Variants in ANKS1B observed in about 807,000 individuals in gnomAD.
ANKS1B encodes ankyrin repeat and sterile alpha motif domain containing 1B, also known as ankyrin repeat and sterile alpha motif domain-containing protein 1B.
ANKS1B carries 36 observed loss-of-function variants against 148.3 expected under a neutral mutation model. The ratio of observed to expected loss-of-function variants is 0.24; its 90% CI spans 0.19 to 0.32. ANKS1B has a LOEUF of 0.32. Among genes scored for constraint, ANKS1B ranks in the 10% least tolerant of loss-of-function variants. The pLI is 1.00. For missense variants in ANKS1B, 1,157 were observed against 1,542.6 expected (o/e 0.75, Z 4.19); for synonymous variants, 542 against 560.8 (o/e 0.97, Z 0.47).
intron 12 of ANKS1B, among the ~76,000 whole-genome samples, chr12:99,304,020 G>A (rs1246511803): frequency 6.6e-6 from 1 of 152,036 alleles, no homozygotes; most frequent in Non-Finnish European, 1.5e-5. Context: ...TTGGCTGATG[G>A]GTATTTAGGT....
intron 1 of ANKS1B, among the ~76,000 whole-genome samples, chr12:99,829,908 C>A (rs1254118946): frequency 6.6e-6 from 1 of 152,114 alleles, no homozygotes; most frequent in Non-Finnish European, 1.5e-5. Context: ...AAAGAAATAA[C>A]TGAAGTGAGT....
intron 17 of ANKS1B, among the ~76,000 whole-genome samples, chr12:98,867,787 G>A (rs374299986): frequency 1.6e-4 from 24 of 151,792 alleles, no homozygotes; most frequent in East Asian, 5.8e-4. Flanking sequence ...GTGTGGACCC[G>A]GGAGGAGGAG....
intron 10 of ANKS1B, among the ~76,000 whole-genome samples, chr12:99,451,226 T>C (rs2095729508): frequency 6.6e-6 from 1 of 152,200 alleles, no homozygotes; most frequent in Non-Finnish European, 1.5e-5. Context: ...TAGTCTATAA[T>C]AACAACATTA....
intron 17 of ANKS1B, among the ~76,000 whole-genome samples, chr12:98,929,122 A>T (rs1480776534): frequency 6.6e-5 from 10 of 152,014 alleles, no homozygotes; most frequent in Admixed American, 6.6e-4. Context: ...CATTAGTTGT[A>T]TTTCTGTGTA....
chr12:99,543,409 C>T (rs374656853), intron 9 of ANKS1B, among the ~76,000 whole-genome samples: 12 of 152,178 alleles, frequency 7.9e-5, no homozygotes, highest in African/African-American at 2.4e-4. Context: ...GAAAATAGTT[C>T]GGCAGTTCCT....
At chr12:99,213,828 A>G (rs1471754941) in intron 14 of ANKS1B, among the ~76,000 whole-genome samples, 1 of 152,228 alleles carries the variant, frequency 6.6e-6, no homozygotes, top group African/African-American at 2.4e-5. Context: ...CCTGAGTATC[A>G]AATACACCAG....
At chr12:99,633,990 G>T (rs960340817) in intron 9 of ANKS1B, among the ~76,000 whole-genome samples, 1 of 152,118 alleles carries the variant, frequency 6.6e-6, no homozygotes, top group African/African-American at 2.4e-5. Context: ...CATTTGGGTT[G>T]GTGCTGGAAC....
chr12:99,723,846 G>A (rs1318169590), intron 8 of ANKS1B, among the ~76,000 whole-genome samples: 1 of 152,106 alleles, frequency 6.6e-6, no homozygotes, highest in East Asian at 1.9e-4. Flanking sequence ...CCAGGCACAG[G>A]AGCGAGCCAG....
At chr12:99,786,342 C>T (rs2065006519) in intron 4 of ANKS1B, among the ~76,000 whole-genome samples, 1 of 152,124 alleles carries the variant, frequency 6.6e-6, no homozygotes, top group Non-Finnish European at 1.5e-5. Flanking sequence ...GTCTGTCAAC[C>T]AATGCTAGAC....
At chr12:99,049,300 A>G (rs1448051127) in intron 17 of ANKS1B, among the ~76,000 whole-genome samples, 1 of 152,046 alleles carries the variant, frequency 6.6e-6, no homozygotes, top group Admixed American at 6.6e-5. Context: ...TTCAATATGT[A>G]CACACGCACA....
At chr12:99,601,452 T>C (rs1188744983) in intron 9 of ANKS1B, among the ~76,000 whole-genome samples, 1 of 152,118 alleles carries the variant, frequency 6.6e-6, no homozygotes, top group Non-Finnish European at 1.5e-5. Flanking sequence ...AAGTATCTGA[T>C]TATTTTAATG....
chr12:99,372,686 T>TCACG (rs923066637), intron 12 of ANKS1B, among the ~76,000 whole-genome samples: 11 of 152,256 alleles, frequency 7.2e-5, no homozygotes, highest in Non-Finnish European at 1.6e-4. Flanking sequence ...ATACACACAC[T>TCACG]CACGCACATT....
chr12:99,501,726 A>C (rs115468093), intron 10 of ANKS1B, among the ~76,000 whole-genome samples: 3 of 152,276 alleles, frequency 2.0e-5, no homozygotes, highest in South Asian at 4.1e-4. Context: ...CCAAAGCCAC[A>C]GAAGTCTTGA....
At chr12:99,534,487 C>G (rs2097040984) in intron 9 of ANKS1B, among the ~76,000 whole-genome samples, 1 of 152,048 alleles carries the variant, frequency 6.6e-6, no homozygotes, top group Non-Finnish European at 1.5e-5. Context: ...TAAATGACAA[C>G]CAACACCTGA....
intron 2 of ANKS1B, among the ~76,000 whole-genome samples, chr12:99,824,499 CAAA>C (rs530267431): frequency 1.1e-5 from 1 of 93,492 alleles, no homozygotes. Flanking sequence ...GACTCTGTCT[CAAA>C]AAAAAAAAAA....
At chr12:99,731,939 A>G (rs1436618470) in intron 8 of ANKS1B, among the ~76,000 whole-genome samples, 1 of 152,212 alleles carries the variant, frequency 6.6e-6, no homozygotes, top group East Asian at 1.9e-4. Context: ...TTTTTGAGAT[A>G]TATAAAGAAT....
At chr12:99,398,472 A>G (rs1372886424) in intron 12 of ANKS1B, among the ~76,000 whole-genome samples, 3 of 152,140 alleles carry the variant, frequency 2.0e-5, no homozygotes, top group Non-Finnish European at 4.4e-5. Flanking sequence ...AATGAATGCT[A>G]GGCTGGGTTT....
At chr12:99,294,060 C>G (rs1191575020) in intron 12 of ANKS1B, among the ~76,000 whole-genome samples, 1 of 152,054 alleles carries the variant, frequency 6.6e-6, no homozygotes, top group Non-Finnish European at 1.5e-5. Context: ...AAAAGGGAAC[C>G]CTCGTAAACT....
intron 9 of ANKS1B, among the ~76,000 whole-genome samples, chr12:99,550,774 G>A (rs975281337): frequency 1.1e-4 from 17 of 152,094 alleles, no homozygotes; most frequent in African/African-American, 4.1e-4. Flanking sequence ...CTAACCCCAT[G>A]TGTATAGGGG....
Sources: gnomAD v4.1 joint callset for allele counts (sites outside exome capture counted in the v4.1 genomes callset) on GRCh38, gnomAD v4.1.1 for gene constraint, MANE v1.5 for transcripts, NCBI Gene and HGNC (gene_info 2026-07-23, HGNC 2026-07-21) for gene names.